FUT8: variants seen among roughly 807,000 people sequenced by gnomAD.
FUT8 encodes the protein fucosyltransferase 8.
FUT8 carries 29 observed loss-of-function variants against 71.3 expected under a neutral mutation model. That is an observed-to-expected ratio of 0.41 (90% CI 0.30 to 0.55). The LOEUF (loss-of-function observed/expected upper bound fraction) is 0.55, where lower values mean the gene tolerates loss of function less well. Ranked by LOEUF, FUT8 falls within the 20% of genes least tolerant of loss-of-function variation. FUT8 has a pLI of 0.34. For synonymous variants in FUT8, 254 were observed against 239.3 expected (o/e 1.06, Z -0.57); for missense variants, 544 against 702.1 (o/e 0.77, Z 2.55).
intron 2 of FUT8, among the ~76,000 whole-genome samples, chr14:65,544,213 G>C (rs1393653020): frequency 1.3e-5 from 2 of 152,106 alleles, no homozygotes; most frequent in Admixed American, 1.3e-4. Flanking sequence ...CTGGCAGAAG[G>C]CTGATCTACT....
the FUT8 span, among the ~76,000 whole-genome samples, chr14:65,382,057 C>T: frequency 0.018 from 2,709 of 152,330 alleles, 82 homozygotes; most frequent in African/African-American, 0.062. Flanking sequence ...AAGCTAGAGG[C>T]TTCTTCCCAT....
the FUT8 span, among the ~76,000 whole-genome samples, chr14:65,402,020 C>T: frequency 1.1e-4 from 16 of 151,776 alleles, no homozygotes; most frequent in East Asian, 2.3e-3. Flanking sequence ...CCTCAGTATC[C>T]GACAGTGTTT....
rs1309541812 is a variant in FUT8 at position 65,722,076 on chromosome 14, A to T, written c.1082+55A>T. ...TGATATGTAGTAGTTAGGGTTATGTATCTTTACAATATATTGTGAATTTTA... is the reference window on the plus strand; with the variant it reads ...TGATATGTAGTAGTTAGGGTTATGTTTCTTTACAATATATTGTGAATTTTA... On this transcript the variant is annotated intron_variant, in intron 8 of 10. Coordinates refer to ENST00000673929, the MANE Select transcript of FUT8 (RefSeq NM_001371533.1). The T allele has an allele frequency of 2.5e-6, 4 of 1,580,026 alleles. No individual in the cohort carries two copies. The East Asian group carries it at 8.9e-5, about 35-fold the overall frequency.
chr14:65,399,809 G>C, the FUT8 span, among the ~76,000 whole-genome samples: 1 of 152,170 alleles, frequency 6.6e-6, no homozygotes. Flanking sequence ...TTTAAAAACA[G>C]CTATTTTAAA....
In FUT8 at chr14:65,607,087, C is replaced by T. The variant is rs1005404585; in HGVS notation, c.204-8891C>T. On this transcript the variant is annotated intron_variant, in intron 3 of 10. Coordinates refer to ENST00000673929, the MANE Select transcript of FUT8 (RefSeq NM_001371533.1). This position sits in a 1 kb window ranked among gnomAD's most constrained non-coding sequence, Gnocchi z 4.1. ...TATTGTATATAGTGATGTCCCTGAA[C>T]TTTATTAGTACGATTTGTAGATTAT... is the stretch of plus-strand genomic sequence containing the variant. Among the ~76,000 whole-genome samples, 1 of 151,808 alleles carries T rather than the reference C, an allele frequency of 6.6e-6. No homozygotes were observed. The highest frequency in any genetic ancestry group is 1.5e-5 in the Non-Finnish European group (1 of 67,868).
intron 1 of FUT8, among the ~76,000 whole-genome samples, chr14:65,427,105 G>A (rs777089545): frequency 2.0e-5 from 3 of 152,018 alleles, no homozygotes; most frequent in Non-Finnish European, 4.4e-5. Flanking sequence ...CTCGTGATCC[G>A]CCCGCCTTGG....
chr14:65,432,754 C>A (rs557999716), intron 1 of FUT8, among the ~76,000 whole-genome samples: 1 of 152,146 alleles, frequency 6.6e-6, no homozygotes, highest in Non-Finnish European at 1.5e-5. Flanking sequence ...TCCATTAGCA[C>A]CGCTCTATGA....
intron 7 of FUT8, among the ~76,000 whole-genome samples, chr14:65,677,151 T>TGTGTGTGCGCGCGC: frequency 5.1e-4 from 56 of 110,740 alleles, no homozygotes; most frequent in African/African-American, 6.1e-4. Context: ...TGTGTGTGTG[T>TGTGTGTGCGCGCGC]GCGCGCGCGC....
chr14:65,736,917 A>G (rs1412674837), intron 10 of FUT8, among the ~76,000 whole-genome samples: 1 of 152,112 alleles, frequency 6.6e-6, no homozygotes, highest in African/African-American at 2.4e-5. Flanking sequence ...TCTGTCTCCT[A>G]TACACTATCC....
At chr14:65,712,079 A>G (rs990907808) in intron 7 of FUT8, among the ~76,000 whole-genome samples, 12 of 152,204 alleles carry the variant, frequency 7.9e-5, no homozygotes, top group African/African-American at 2.7e-4. Context: ...ATAGTCAGAG[A>G]CATCTTAACT....
chr14:65,412,129 T>TG (rs34007703), upstream of FUT8: 35,925 of 455,832 alleles, frequency 0.079, 2,567 homozygotes, highest in East Asian at 0.38. Context: ...CAGGCCCTCG[T>TG]GGGGGGGGTC....
At chr14:65,468,298 G>C (rs2139617269) in intron 2 of FUT8, 1 of 615,368 alleles carries the variant, frequency 1.6e-6, no homozygotes, top group South Asian at 1.4e-5. Context: ...AAAAGGCCTA[G>C]AGAACATATA....
intron 5 of FUT8, among the ~76,000 whole-genome samples, chr14:65,623,977 T>G (rs1385427434): frequency 6.6e-6 from 1 of 152,202 alleles, no homozygotes; most frequent in Non-Finnish European, 1.5e-5. Flanking sequence ...GTAGAGTTAC[T>G]GAAAACCCAG....
intron 9 of FUT8, among the ~76,000 whole-genome samples, chr14:65,728,301 T>C (rs1895787868): frequency 6.6e-6 from 1 of 152,216 alleles, no homozygotes; most frequent in African/African-American, 2.4e-5. Flanking sequence ...CTGGGCAATT[T>C]ACAAAAGAAA....
intron 2 of FUT8, among the ~76,000 whole-genome samples, chr14:65,465,154 T>G (rs1273901381): frequency 6.6e-6 from 1 of 152,194 alleles, no homozygotes; most frequent in African/African-American, 2.4e-5. Context: ...TTTCCTGTTT[T>G]CAATTTTGCT....
chr14:65,536,093 A>G (rs1884293539), intron 2 of FUT8, among the ~76,000 whole-genome samples: 1 of 150,704 alleles, frequency 6.6e-6, no homozygotes. Flanking sequence ...TCTGCTTTCC[A>G]TTTGCTTGGT....
chr14:65,562,888 A>T (rs919265909), intron 3 of FUT8, among the ~76,000 whole-genome samples: 1 of 152,036 alleles, frequency 6.6e-6, no homozygotes, highest in African/African-American at 2.4e-5. Context: ...ATTACCCTTG[A>T]TGCTATAGAG....
chr14:65,726,014 GCA>G (rs112955215), intron 9 of FUT8, among the ~76,000 whole-genome samples: 1 of 151,364 alleles, frequency 6.6e-6, no homozygotes, highest in East Asian at 1.9e-4. Flanking sequence ...GCGCATGCGT[GCA>G]CACACACACA....
chr14:65,442,622 C>T (rs892020285), intron 1 of FUT8, among the ~76,000 whole-genome samples: 7 of 151,670 alleles, frequency 4.6e-5, no homozygotes, highest in East Asian at 3.9e-4. Flanking sequence ...ATTACTTGAG[C>T]TTAGGAGTTT....
Sources: gnomAD v4.1 joint callset for allele counts (sites outside exome capture counted in the v4.1 genomes callset) on GRCh38, gnomAD v4.1.1 for gene constraint, Gnocchi (gnomAD v3.1) non-coding constraint, MANE v1.5 for transcripts, NCBI Gene and HGNC (gene_info 2026-07-23, HGNC 2026-07-21) for gene names.